Variants in PDZRN4 observed in about 807,000 individuals in gnomAD.
PDZRN4 encodes PDZ domain containing ring finger 4, also known as PDZ domain-containing RING finger protein 4.
In PDZRN4, 70 loss-of-function variants were observed where a neutral mutation model predicts 99.0. That is an observed-to-expected ratio of 0.71 (90% CI 0.58 to 0.86). The LOEUF (loss-of-function observed/expected upper bound fraction) is 0.86. Ranked by LOEUF, PDZRN4 falls within the 40% of genes least tolerant of loss-of-function variation. The pLI is 0.00. For missense variants in PDZRN4, 1,474 were observed against 1,331.2 expected, an observed-to-expected ratio of 1.11 and a Z score of -1.67; for synonymous variants, 551 against 501.6, an observed-to-expected ratio of 1.10 and a Z score of -1.32.
At chr12:41,334,404 AAG>A (rs1491020503) in intron 3 of PDZRN4, among the ~76,000 whole-genome samples, 4 of 141,484 alleles carry the variant, frequency 2.8e-5, no homozygotes, top group East Asian at 2.1e-4. Context: ...AAAAAAAAAA[AAG>A]AAAGAAAGAA....
chr12:41,435,821 G>A (rs190116667), intron 3 of PDZRN4, among the ~76,000 whole-genome samples: 34 of 152,152 alleles, frequency 2.2e-4, no homozygotes, highest in African/African-American at 7.5e-4. Flanking sequence ...AAAATACAGA[G>A]TATGAACATC....
chr12:41,229,908 A>G (rs1318870599), intron 3 of PDZRN4, among the ~76,000 whole-genome samples: 4 of 152,168 alleles, frequency 2.6e-5, no homozygotes, highest in South Asian at 4.1e-4. Context: ...AAATACAATA[A>G]TTTTTGTTAC....
At position 41,509,612 on chromosome 12, in the gene PDZRN4, GA is replaced by G. The variant is rs1352631979; in HGVS notation, c.1101-196del. 1.0e-5 allele frequency: 4 copies of G among 389,998 alleles called. No homozygotes were observed. The Admixed American group carries it at 1.3e-4, about 13-fold the overall frequency. The allele number at this position is 389,998 out of a possible 1,614,324, so 24.2% of individuals were successfully genotyped here. On this transcript the variant is annotated intron_variant, in intron 4 of 9. Transcript: ENST00000402685. ...GGCCCTTATTCCTAGCATTCTCTCAGAAATTGCAAATTGATGGACTTCACGT... is the reference window on the plus strand; with the variant it reads ...GGCCCTTATTCCTAGCATTCTCTCAGAATTGCAAATTGATGGACTTCACGT...
chr12:41,190,851 G>GA (rs79539420), intron 1 of PDZRN4, among the ~76,000 whole-genome samples: 2,607 of 152,140 alleles, frequency 0.017, 42 homozygotes, highest in East Asian at 0.059. Flanking sequence ...TGGCCAGCAG[G>GA]AAAAAATACA....
intron 3 of PDZRN4, among the ~76,000 whole-genome samples, chr12:41,250,144 A>G: frequency 6.6e-6 from 1 of 152,156 alleles, no homozygotes; most frequent in East Asian, 1.9e-4. Context: ...GCATTACAAA[A>G]GTGTCTTCTG....
At chr12:41,398,509 A>C (rs925683144) in intron 3 of PDZRN4, among the ~76,000 whole-genome samples, 1 of 152,184 alleles carries the variant, frequency 6.6e-6, no homozygotes, top group Non-Finnish European at 1.5e-5. Context: ...TCCCCAACAG[A>C]ATGAACAGAT....
At chr12:41,240,065 A>G (rs1201938014) in intron 3 of PDZRN4, among the ~76,000 whole-genome samples, 1 of 152,184 alleles carries the variant, frequency 6.6e-6, no homozygotes, top group African/African-American at 2.4e-5. Context: ...ATGTTGCTGA[A>G]AATGCGGCAA....
chr12:41,239,891 A>G (rs1951091711), intron 3 of PDZRN4, among the ~76,000 whole-genome samples: 1 of 152,156 alleles, frequency 6.6e-6, no homozygotes, highest in Non-Finnish European at 1.5e-5. Flanking sequence ...ATTGGGCTAA[A>G]TTTTTTTCAG....
chr12:41,438,195 C>A (rs1443479221), intron 3 of PDZRN4, among the ~76,000 whole-genome samples: 2 of 152,118 alleles, frequency 1.3e-5, no homozygotes, highest in Admixed American at 6.6e-5. Flanking sequence ...CCTTGCCACT[C>A]CCCCTTCAGA....
chr12:41,310,720 G>A (rs948154513), intron 3 of PDZRN4, among the ~76,000 whole-genome samples: 5 of 152,042 alleles, frequency 3.3e-5, no homozygotes, highest in Non-Finnish European at 5.9e-5. Context: ...TTTCCCCCAC[G>A]TTATTCTATT....
At chr12:41,555,577 T>C in intron 6 of PDZRN4, 121 bp from the exon 7 acceptor site, 1 of 722,720 alleles carries the variant, frequency 1.4e-6, no homozygotes. Context: ...TTATGTATAC[T>C]GTCACAAATC....
chr12:41,394,638 C>T (rs909188083), intron 3 of PDZRN4, among the ~76,000 whole-genome samples: 4 of 152,096 alleles, frequency 2.6e-5, no homozygotes, highest in Non-Finnish European at 4.4e-5. Flanking sequence ...ATTTTGCTTC[C>T]ACAGTCACTC....
At chr12:41,263,139 C>T (rs576175747) in intron 3 of PDZRN4, among the ~76,000 whole-genome samples, 1 of 152,008 alleles carries the variant, frequency 6.6e-6, no homozygotes, top group Non-Finnish European at 1.5e-5. Flanking sequence ...TGTACACACA[C>T]GTACATGTAT....
chr12:41,532,091 A>T (rs769921044), intron 5 of PDZRN4, among the ~76,000 whole-genome samples: 2 of 152,090 alleles, frequency 1.3e-5, no homozygotes, highest in Non-Finnish European at 2.9e-5. Context: ...ACCCACAGAG[A>T]TTATTTTTTA....
chr12:41,456,711 T>C (rs779703229), intron 3 of PDZRN4, among the ~76,000 whole-genome samples: 1 of 152,166 alleles, frequency 6.6e-6, no homozygotes, highest in Non-Finnish European at 1.5e-5. Context: ...TAATGAATGG[T>C]CACTGGATCA....
At chr12:41,269,313 T>C (rs1371379066) in intron 3 of PDZRN4, among the ~76,000 whole-genome samples, 2 of 152,146 alleles carry the variant, frequency 1.3e-5, no homozygotes, top group Admixed American at 1.3e-4. Flanking sequence ...TAACAAATTC[T>C]CCCTAGAGAA....
At chr12:41,410,149 A>C (rs58573939) in intron 3 of PDZRN4, among the ~76,000 whole-genome samples, 10,132 of 152,250 alleles carry the variant, frequency 0.067, 840 homozygotes, top group East Asian at 0.18. Flanking sequence ...TGAGAAAATG[A>C]AACATTTTAA....
At chr12:41,230,803 C>A in intron 3 of PDZRN4, among the ~76,000 whole-genome samples, 1 of 152,014 alleles carries the variant, frequency 6.6e-6, no homozygotes. Context: ...TCATTTCCAA[C>A]TCTTATACTT....
At chr12:41,322,221 G>A (rs941573606) in intron 3 of PDZRN4, among the ~76,000 whole-genome samples, 4 of 151,900 alleles carry the variant, frequency 2.6e-5, no homozygotes, top group African/African-American at 7.3e-5. Flanking sequence ...ACTAGAGGCA[G>A]GGTTTCACCC....
Sources: gnomAD v4.1 joint callset for allele counts (sites outside exome capture counted in the v4.1 genomes callset) on GRCh38, gnomAD v4.1.1 for gene constraint, MANE v1.5 for transcripts, NCBI Gene and HGNC (gene_info 2026-07-23, HGNC 2026-07-21) for gene names.